C1orf105: variants seen among roughly 807,000 people sequenced by gnomAD.
The protein encoded by C1orf105 is chromosome 1 open reading frame 105.
Under a neutral mutation model 20.8 loss-of-function variants are expected in C1orf105, and 17 were observed. That is an observed-to-expected ratio of 0.82 (90% CI 0.56 to 1.23). The LOEUF is 1.23. Ranked by LOEUF, C1orf105 falls within the 50% of genes most tolerant of loss-of-function variation. The pLI is 0.00. For missense variants in C1orf105, 219 were observed against 213.5 expected (o/e 1.03, Z -0.16); for synonymous variants, 72 against 72.1 (o/e 1.00, Z 0.01).
At chr1:172,449,307 A>G (rs1183875960) in intron 3 of C1orf105, among the ~76,000 whole-genome samples, 2 of 152,220 alleles carry the variant, frequency 1.3e-5, no homozygotes, top group Non-Finnish European at 1.5e-5. Context: ...CAGACAGGAC[A>G]GGGACACAAC....
intron 2 of C1orf105, 85 bp from the exon 3 acceptor site, chr1:172,448,356 C>A: frequency 1.1e-6 from 1 of 897,710 alleles, no homozygotes. Flanking sequence ...TGTGGTGTCC[C>A]TTGTATTCTC....
At chr1:172,433,997 G>T (rs2071955586) in intron 1 of C1orf105, among the ~76,000 whole-genome samples, 1 of 152,104 alleles carries the variant, frequency 6.6e-6, no homozygotes, top group Non-Finnish European at 1.5e-5. Context: ...AAGATCAAAA[G>T]AGACAAAGAA....
At chr1:172,430,259 C>T (rs2071834254) in intron 1 of C1orf105, 2 of 689,730 alleles carry the variant, frequency 2.9e-6, no homozygotes, top group Non-Finnish European at 5.3e-6. Context: ...CCCACCACAA[C>T]TGTCATACTA....
At chr1:172,466,693 C>T (rs772192113) in intron 6 of C1orf105, among the ~76,000 whole-genome samples, 3 of 151,992 alleles carry the variant, frequency 2.0e-5, no homozygotes, top group Non-Finnish European at 2.9e-5. Flanking sequence ...TAACAAGATG[C>T]CTTTCATCAA....
chr1:172,448,450 T>C lies in C1orf105; in HGVS notation c.117T>C (p.His39=), dbSNP rs888979713. ...LVLSLPRRYP[H]TSATFLTSSK... ...TGTTTTAATTACTTAGATATCCTCATACCTCTGCGACTTTTCTGACTTCAT... is the reference window on the plus strand; with the variant it reads ...TGTTTTAATTACTTAGATATCCTCACACCTCTGCGACTTTTCTGACTTCAT... Residue 39 remains histidine (H), a synonymous_variant, in exon 3 of 7, where the codon CAT becomes CAC. Coordinates refer to ENST00000367727, the MANE Select transcript of C1orf105 (RefSeq NM_139240.4). 2.5e-6 allele frequency: 4 copies of C among 1,609,222 alleles called. No individual in the cohort carries two copies. Among genetic ancestry groups the C allele is most frequent in the African/African-American group, 2.7e-5 (2 of 74,854 alleles).
chr1:172,457,637 C>A (rs1649383412), intron 4 of C1orf105, among the ~76,000 whole-genome samples: 1 of 152,142 alleles, frequency 6.6e-6, no homozygotes, highest in Non-Finnish European at 1.5e-5. Flanking sequence ...TCCTGGAATC[C>A]CTTGTGTCCA....
chr1:172,427,815 TG>T (rs1359514876), intron 1 of C1orf105, among the ~76,000 whole-genome samples: 1 of 152,244 alleles, frequency 6.6e-6, no homozygotes, highest in Non-Finnish European at 1.5e-5. Flanking sequence ...GGTCCTTTTC[TG>T]TCTATAACCA....
intron 1 of C1orf105, chr1:172,444,290 G>A (rs1026144456): frequency 1.0e-6 from 1 of 985,362 alleles, no homozygotes; most frequent in African/African-American, 1.7e-5. Flanking sequence ...GACTGGGTAA[G>A]GCAAGAGAGG....
rs1475011999 is a variant in C1orf105, at chr1:172,431,268, G to C, written c.21+10362G>C. ...GCCAAGTTGTGAATGCAAATAAAAA[G>C]TTATTGAAGGAAATTAAAAGTGGTA... On this transcript the variant is annotated intron_variant, in intron 1 of 6. Coordinates refer to ENST00000367727, the MANE Select transcript of C1orf105 (RefSeq NM_139240.4). 7 of 437,012 alleles carry C rather than the reference G, an allele frequency of 1.6e-5. No homozygotes were observed. In the East Asian group the frequency reaches 2.4e-4, roughly 15 times the overall value. The allele number at this position is 437,012 out of a possible 1,614,324, so 27.1% of individuals were successfully genotyped here.
rs746794579 is a variant in C1orf105, at chr1:172,445,133, C to T, written c.82C>T (p.Pro28Ser). 1.2e-6 allele frequency: 2 copies of T among 1,612,664 alleles called. No homozygotes were observed. Among genetic ancestry groups the T allele is most frequent in the African/African-American group, 1.3e-5 (1 of 74,952 alleles). ...WLSEASLVNK[P>S]LVLSLPRRYP... The stretch of plus-strand genomic sequence containing the variant: ...TAGTGAGGCCAGCCTTGTAAACAAG[C>T]CATTAGTGCTCAGCCTTCCCAGAAG... The change falls in exon 2 of 7, where the codon CCA becomes TCA. Residue 28 changes from proline (P) to serine (S), a missense_variant. By Grantham distance (74) the Pro-to-Ser change is moderately conservative (BLOSUM62 -1). Transcript: ENST00000367727.
At chr1:172,425,754 C>T (rs1197869056) in intron 1 of C1orf105, among the ~76,000 whole-genome samples, 4 of 152,124 alleles carry the variant, frequency 2.6e-5, no homozygotes, top group African/African-American at 9.7e-5. Context: ...ATGCACATAA[C>T]CCAGAGAACT....
intron 1 of C1orf105, among the ~76,000 whole-genome samples, chr1:172,424,169 C>T (rs1296663152): frequency 3.3e-5 from 5 of 152,188 alleles, no homozygotes; most frequent in Non-Finnish European, 5.9e-5. Flanking sequence ...CAGTTCACAT[C>T]TTCAATGAAC....
chr1:172,440,406 G>A (rs140631929), intron 1 of C1orf105, among the ~76,000 whole-genome samples: 2 of 152,280 alleles, frequency 1.3e-5, no homozygotes, highest in Non-Finnish European at 1.5e-5. Context: ...ATAGTGCTTC[G>A]TATCAGGGAT....
intron 1 of C1orf105, chr1:172,442,034 G>A: frequency 1.2e-6 from 2 of 1,614,228 alleles, no homozygotes; most frequent in South Asian, 1.1e-5. Context: ...AAGGCATGCA[G>A]GGACCGGGGA....
intron 5 of C1orf105, among the ~76,000 whole-genome samples, chr1:172,463,241 C>T: frequency 6.6e-6 from 1 of 152,242 alleles, no homozygotes; most frequent in Non-Finnish European, 1.5e-5. Flanking sequence ...GACATACACT[C>T]ACCTTTACAT....
intron 1 of C1orf105, chr1:172,430,971 A>G: frequency 6.5e-6 from 3 of 458,998 alleles, no homozygotes; most frequent in Non-Finnish European, 1.2e-5. Flanking sequence ...TACCCATATA[A>G]GAGGGCAAAC....
chr1:172,464,602 G>T (rs1649909677), intron 5 of C1orf105, among the ~76,000 whole-genome samples: 1 of 151,232 alleles, frequency 6.6e-6, no homozygotes, highest in Admixed American at 6.6e-5. Context: ...TGTTTTCTCA[G>T]CTTTACTCTT....
At chr1:172,445,844 GA>G (rs1329131568) in intron 2 of C1orf105, among the ~76,000 whole-genome samples, 1 of 152,168 alleles carries the variant, frequency 6.6e-6, no homozygotes, top group Admixed American at 6.5e-5. Flanking sequence ...GAGAGAAAGA[GA>G]AAGGGCAGGC....
intron 1 of C1orf105, among the ~76,000 whole-genome samples, chr1:172,436,046 C>G (rs1558128238): frequency 6.6e-6 from 1 of 152,132 alleles, no homozygotes; most frequent in Non-Finnish European, 1.5e-5. Context: ...ATGTGAAGGA[C>G]CTCTTCAAGA....
Sources: allele counts gnomAD v4.1 joint callset (sites outside exome capture counted in the v4.1 genomes callset), GRCh38; gene constraint gnomAD v4.1.1; transcripts MANE v1.5; gene names NCBI Gene and HGNC (gene_info 2026-07-23, HGNC 2026-07-21).